Variants in KIF13A observed in about 807,000 individuals in gnomAD.
The protein encoded by KIF13A is kinesin-like protein KIF13A.
Under a neutral mutation model 212.2 loss-of-function variants are expected in KIF13A, and 79 were observed. The ratio of observed to expected loss-of-function variants is 0.37; its 90% CI spans 0.31 to 0.45. The LOEUF is 0.45. Ranked by LOEUF, KIF13A falls within the 20% of genes least tolerant of loss-of-function variation. KIF13A has a pLI of 1.00. For missense variants in KIF13A, 1,901 were observed against 2,209.0 expected (o/e 0.86, Z 2.79); for synonymous variants, 789 against 808.6 (o/e 0.98, Z 0.41).
intron 13 of KIF13A, 41 bp downstream of exon 13, chr6:17,831,060 G>T: frequency 6.3e-7 from 1 of 1,574,806 alleles, no homozygotes; most frequent in Non-Finnish European, 8.7e-7. Flanking sequence ...AACTGTATAG[G>T]AATGAATCTT....
intron 3 of KIF13A, among the ~76,000 whole-genome samples, chr6:17,879,299 T>A (rs963541794): frequency 6.6e-6 from 1 of 152,116 alleles, no homozygotes; most frequent in African/African-American, 2.4e-5. Flanking sequence ...ATAGTGCCTG[T>A]TTCAGTATTT....
chr6:17,878,700 A>C (rs1770792909), intron 3 of KIF13A, among the ~76,000 whole-genome samples: 1 of 152,256 alleles, frequency 6.6e-6, no homozygotes, highest in African/African-American at 2.4e-5. Context: ...TCTACCTGTC[A>C]GTAAGAATTA....
intron 2 of KIF13A, among the ~76,000 whole-genome samples, chr6:17,923,189 G>C (rs1447931253): frequency 6.6e-6 from 1 of 151,812 alleles, no homozygotes; most frequent in African/African-American, 2.4e-5. Flanking sequence ...CAGGAGAATC[G>C]CTTGAGCCAC....
rs1760085791 is a variant in KIF13A at position 17,777,366 on chromosome 6, A to G, written c.4093-12T>C. The G allele has an allele frequency of 3.1e-6, 5 of 1,596,380 alleles. No homozygotes were observed. The highest frequency in any genetic ancestry group is 3.4e-6 in the Non-Finnish European group (4 of 1,171,478). ...TTGACTGTGACGGCCTGTAAACATA[A>G]TAATTTGAAAATAACACTTTTTTTT... On this transcript the variant is annotated splice_polypyrimidine_tract_variant and intron_variant, in intron 33 of 38. Coordinates refer to ENST00000259711, the MANE Select transcript of KIF13A (RefSeq NM_022113.6). This position sits in a 1 kb window ranked among gnomAD's most constrained non-coding sequence, Gnocchi z 4.4.
intron 2 of KIF13A, among the ~76,000 whole-genome samples, chr6:17,948,648 T>G (rs938882904): frequency 4.2e-5 from 6 of 143,872 alleles, no homozygotes; most frequent in African/African-American, 1.5e-4. Flanking sequence ...CTGGGACCTC[T>G]GCCTCCAGGT....
Position 17,778,824 on chromosome 6 carries a change from G to C in KIF13A, c.4092+123C>G, listed in dbSNP as rs1393043131. The C allele has an allele frequency of 3.5e-6, 4 of 1,135,268 alleles. No homozygotes were observed. The African/African-American group carries it at 4.6e-5, about 13-fold the overall frequency. 70.3% of individuals were successfully genotyped at this position (1,135,268 alleles called of 1,614,324 possible). On this transcript the variant is annotated intron_variant, in intron 33 of 38. Coordinates refer to ENST00000259711, the MANE Select transcript of KIF13A (RefSeq NM_022113.6). The stretch of plus-strand genomic sequence containing the variant: ...CTATTTTGCCAGAGTCCTTTCAATA[G>C]AGATGGCTCAAGTGCTCCTTCTCTG...
chr6:17,876,949 A>G lies in KIF13A; in HGVS notation c.160-3512T>C, dbSNP rs546600564. Among the ~76,000 whole-genome samples, 8 of 152,238 alleles carry G rather than the reference A, an allele frequency of 5.3e-5. No homozygotes were observed. In the East Asian group the frequency reaches 1.4e-3, roughly 26 times the overall value. On this transcript the variant is annotated intron_variant, in intron 3 of 38. Coordinates refer to ENST00000259711, the MANE Select transcript of KIF13A (RefSeq NM_022113.6). ...TGTGCCCGGCCTGTATATATGTTTC[A>G]TCTCCACTTGTAGACTAAGTTCCCT... is the stretch of plus-strand genomic sequence containing the variant.
chr6:17,977,863 TG>T (rs1363667220), intron 2 of KIF13A, among the ~76,000 whole-genome samples: 2 of 152,232 alleles, frequency 1.3e-5, no homozygotes. Context: ...ATAACTGATT[TG>T]TTAAGCTTGG....
At chr6:17,861,643 A>G (rs1256902563) in intron 4 of KIF13A, among the ~76,000 whole-genome samples, 1 of 152,224 alleles carries the variant, frequency 6.6e-6, no homozygotes, top group Non-Finnish European at 1.5e-5. Flanking sequence ...TAGGAAAGAA[A>G]AGCCTCTTGT....
intron 9 of KIF13A, among the ~76,000 whole-genome samples, chr6:17,841,920 T>C (rs1176779280): frequency 1.3e-5 from 2 of 151,704 alleles, no homozygotes; most frequent in Non-Finnish European, 2.9e-5. Context: ...ATCACAGGCT[T>C]ATATGTCTGT....
At position 17,829,364 on chromosome 6, in the gene KIF13A, A is replaced by G. The variant is rs1444637921; in HGVS notation, c.1402-994T>C. Among the ~76,000 whole-genome samples the G allele has an allele frequency of 6.6e-6, 1 of 152,242 alleles. No homozygotes were observed. The highest frequency in any genetic ancestry group is 1.5e-5 in the Non-Finnish European group (1 of 68,042). On this transcript the variant is annotated intron_variant, in intron 13 of 38. Transcript: ENST00000259711. This position sits in a 1 kb window ranked among gnomAD's most constrained non-coding sequence, Gnocchi z 5.4. Reference sequence around the variant, plus strand: ...TGATAAAATGAGAGAGCAGAGCCAAACAACATGTTCGTGTTTATATTAAAG... The same window carrying G: ...TGATAAAATGAGAGAGCAGAGCCAAGCAACATGTTCGTGTTTATATTAAAG...
intron 3 of KIF13A, among the ~76,000 whole-genome samples, chr6:17,896,907 G>C (rs1358499091): frequency 1.3e-5 from 2 of 152,176 alleles, no homozygotes; most frequent in Admixed American, 1.3e-4. Flanking sequence ...CCAACAGCAA[G>C]GGATGTAAAA....
chr6:17,782,933 C>CAT (rs1429115377), intron 29 of KIF13A, among the ~76,000 whole-genome samples: 2 of 152,174 alleles, frequency 1.3e-5, no homozygotes, highest in Admixed American at 1.3e-4. Flanking sequence ...TCTTATGAGG[C>CAT]ATACATTCAA....
chr6:17,896,467 T>C (rs1379731432), intron 3 of KIF13A, among the ~76,000 whole-genome samples: 1 of 152,224 alleles, frequency 6.6e-6, no homozygotes, highest in Non-Finnish European at 1.5e-5. Flanking sequence ...ATAGTTTCTA[T>C]GAGGAAAGGC....
At chr6:17,960,922 G>C (rs767651163) in intron 2 of KIF13A, among the ~76,000 whole-genome samples, 12 of 152,058 alleles carry the variant, frequency 7.9e-5, no homozygotes, top group Non-Finnish European at 1.5e-4. Context: ...ATTGAGTACC[G>C]AACACTGCAC....
chr6:17,911,272 G>A (rs559344413), intron 2 of KIF13A, among the ~76,000 whole-genome samples: 195 of 152,332 alleles, frequency 1.3e-3, no homozygotes, highest in Middle Eastern at 3.4e-3. Flanking sequence ...TGACTGAGGG[G>A]TGAAACCCAG....
At chr6:17,966,379 C>T (rs1321986640) in intron 2 of KIF13A, among the ~76,000 whole-genome samples, 1 of 150,968 alleles carries the variant, frequency 6.6e-6, no homozygotes, top group African/African-American at 2.4e-5. Flanking sequence ...TAGAATTTGT[C>T]TCTAATGTCC....
intron 38 of KIF13A, among the ~76,000 whole-genome samples, chr6:17,766,302 TG>T (rs1345820979): frequency 6.6e-6 from 1 of 151,096 alleles, no homozygotes; most frequent in Non-Finnish European, 1.5e-5. Context: ...TGCAATGGTG[TG>T]ATCTCGGCTC....
At chr6:17,781,099 A>G (rs1230204579) in intron 30 of KIF13A, 78 bp downstream of exon 30, 1 of 1,564,160 alleles carries the variant, frequency 6.4e-7, no homozygotes, top group Non-Finnish European at 8.8e-7. Flanking sequence ...AAAGCAAACC[A>G]TAGCAGTTTA....
Sources: allele counts gnomAD v4.1 joint callset (sites outside exome capture counted in the v4.1 genomes callset), GRCh38; gene constraint gnomAD v4.1.1; non-coding constraint Gnocchi (gnomAD v3.1); transcripts MANE v1.5; gene names NCBI Gene and HGNC (gene_info 2026-07-23, HGNC 2026-07-21).